The following MFSD11 variants were observed in gnomAD, a reference collection of about 807,000 sequenced individuals.
MFSD11 encodes major facilitator superfamily domain containing 11.
Under a neutral mutation model 53.5 loss-of-function variants are expected in MFSD11, and 36 were observed. The ratio of observed to expected loss-of-function variants is 0.67; its 90% CI spans 0.52 to 0.89. The LOEUF (loss-of-function observed/expected upper bound fraction) is 0.89. Among genes scored for constraint, MFSD11 ranks in the 40% least tolerant of loss-of-function variants. The pLI, the probability that MFSD11 is intolerant of heterozygous loss-of-function variation, is 0.00. For synonymous variants in MFSD11, 186 were observed against 184.9 expected (o/e 1.01, Z -0.05); for missense variants, 530 against 543.9 (o/e 0.97, Z 0.25).
At chr17:76,743,571 A>G in intron 6 of MFSD11, 115 bp downstream of exon 6, 2 of 563,138 alleles carry the variant, frequency 3.6e-6, no homozygotes, top group East Asian at 3.1e-5. Flanking sequence ...CGACACCTCA[A>G]GTTCTCGCAG....
chr17:76,793,258 A>G, the MFSD11 span, among the ~76,000 whole-genome samples: 3 of 151,416 alleles, frequency 2.0e-5, no homozygotes, highest in Middle Eastern at 6.8e-3. Context: ...TCATCCCTAC[A>G]GTTTCGACCA....
chr17:76,794,213 G>A, the MFSD11 span, among the ~76,000 whole-genome samples: 1 of 151,452 alleles, frequency 6.6e-6, no homozygotes, highest in Non-Finnish European at 1.5e-5. Context: ...GCTGGGTGTG[G>A]TGGCTCACAC....
In MFSD11 at chr17:76,774,825, A is replaced by G. The variant is rs924292643; in HGVS notation, c.875-172A>G. Among the ~76,000 whole-genome samples the G allele has an allele frequency of 1.1e-4, 17 of 152,164 alleles. No homozygotes were observed. The highest frequency in any genetic ancestry group is 2.9e-5 in the Non-Finnish European group (2 of 68,028). ...TTTGATACCTTACTTTTTTGTTCTA[A>G]TAGTTGATGCTTGGTCATCATTATC... On this transcript the variant is annotated intron_variant, in intron 10 of 12. Transcript: ENST00000685175.
the MFSD11 span, among the ~76,000 whole-genome samples, chr17:76,791,468 T>C: frequency 6.7e-6 from 1 of 149,206 alleles, no homozygotes; most frequent in African/African-American, 2.5e-5. Flanking sequence ...TTGGGATAAT[T>C]GTCACTGAAC....
chr17:76,753,963 C>T lies in MFSD11; in HGVS notation c.642-84C>T, dbSNP rs115031379. The T allele has an allele frequency of 3.3e-3, 3,897 of 1,192,278 alleles. 53 individuals are homozygous for T. The highest frequency in any genetic ancestry group is 0.027 in the African/African-American group (1,772 of 65,684). The allele number at this position is 1,192,278 out of a possible 1,614,324, so 73.9% of individuals were successfully genotyped here. A position where few individuals can be genotyped will look rare whatever the true frequency, so the allele number is the denominator to read the frequency against. On this transcript the variant is annotated intron_variant, in intron 7 of 12. Coordinates refer to ENST00000685175, the MANE Select transcript of MFSD11 (RefSeq NM_001242532.5). ...GACCTGGTATAGGACAGGGTTTTTA[C>T]GAACGTAAATGAAAATGTGATCGTA...
intron 8 of MFSD11, among the ~76,000 whole-genome samples, chr17:76,762,863 C>T (rs2080422956): frequency 6.6e-6 from 1 of 151,854 alleles, no homozygotes; most frequent in Admixed American, 6.6e-5. Context: ...AGATAAACTC[C>T]CCACATTCCT....
At position 76,743,390 on chromosome 17, in the gene MFSD11, TC is replaced by T. The variant is rs1568047437; in HGVS notation, c.438-3del. ...CCCAACATCCTATCCTCCCTTTTCT[TC>T]CCCCAGCTTGTTCTTTGGAAATCTC... On this transcript the variant is annotated splice_region_variant and splice_polypyrimidine_tract_variant and intron_variant, in intron 5 of 12. Coordinates refer to ENST00000685175, the MANE Select transcript of MFSD11 (RefSeq NM_001242532.5). 3.2e-6 allele frequency: 5 copies of T among 1,563,940 alleles called. No homozygotes were observed. The highest frequency in any genetic ancestry group is 2.3e-5 in the East Asian group (1 of 43,430).
intron 8 of MFSD11, among the ~76,000 whole-genome samples, chr17:76,756,041 C>T (rs1337788656): frequency 2.0e-5 from 3 of 149,860 alleles, no homozygotes; most frequent in Admixed American, 6.7e-5. Flanking sequence ...TTAGGCTGGT[C>T]TCAAACTCCC....
upstream of MFSD11, chr17:76,736,781 C>T (rs1017230226): frequency 1.5e-5 from 22 of 1,432,088 alleles, no homozygotes; most frequent in Non-Finnish European, 1.9e-5. Flanking sequence ...CTCCCGCGGT[C>T]CCCTCAGCCC....
chr17:76,767,693 G>A (rs1463692045), intron 9 of MFSD11, among the ~76,000 whole-genome samples: 2 of 151,576 alleles, frequency 1.3e-5, no homozygotes, highest in Admixed American at 6.6e-5. Flanking sequence ...CCATCTCCAC[G>A]ACCCCCTCCA....
At chr17:76,793,564 G>T in the MFSD11 span, among the ~76,000 whole-genome samples, 1 of 151,254 alleles carries the variant, frequency 6.6e-6, no homozygotes, top group Non-Finnish European at 1.5e-5. Flanking sequence ...TCATCACGGG[G>T]TCCTGAGGCG....
rs1039120598 is a variant in MFSD11 at position 76,742,220 on chromosome 17, T to A, written c.384T>A (p.Asp128Glu). ...GAAACTGCCTGACAATCAATTCGGA[T>A]GAGCACAGCATTGGGAGAAACAGTG... ...AQGNCLTINS[D>E]EHSIGRNSGI... is the part of the protein sequence containing the mutation. The change falls in exon 5 of 13, where the codon GAT (aspartate) becomes GAA (glutamate). Residue 128 changes from aspartate (D) to glutamate (E), a missense_variant. Physicochemically the swap from Asp to Glu is conservative, Grantham distance 45. Coordinates refer to ENST00000685175, the MANE Select transcript of MFSD11 (RefSeq NM_001242532.5). 3 of 1,614,230 alleles carry A rather than the reference T, an allele frequency of 1.9e-6. No individual in the cohort carries two copies. The highest frequency in any genetic ancestry group is 2.7e-5 in the African/African-American group (2 of 75,060).
chr17:76,803,365 G>A, the MFSD11 span, among the ~76,000 whole-genome samples: 2 of 152,174 alleles, frequency 1.3e-5, no homozygotes, highest in South Asian at 2.1e-4. Flanking sequence ...AAACAATGAC[G>A]ATAACAGCCC....
intron 8 of MFSD11, among the ~76,000 whole-genome samples, chr17:76,757,255 C>T (rs2079744244): frequency 6.6e-6 from 1 of 152,204 alleles, no homozygotes; most frequent in Non-Finnish European, 1.5e-5. Context: ...ACATGCTTTG[C>T]ATTACGGAGC....
chr17:76,801,734 C>T, the MFSD11 span, among the ~76,000 whole-genome samples: 2 of 152,058 alleles, frequency 1.3e-5, no homozygotes, highest in African/African-American at 4.8e-5. Context: ...TCTGAACCAC[C>T]GTGCCTGGCC....
At chr17:76,790,296 A>AC in the MFSD11 span, among the ~76,000 whole-genome samples, 4 of 142,466 alleles carry the variant, frequency 2.8e-5, no homozygotes, top group African/African-American at 5.2e-5. Context: ...CAAATTCCTG[A>AC]CCTCAGGCAT....
chr17:76,774,906 TG>T, intron 10 of MFSD11, 90 bp from the exon 11 acceptor site: 1 of 1,295,108 alleles, frequency 7.7e-7, no homozygotes. Flanking sequence ...CAAGTGAGAA[TG>T]TTTATTCCTT....
chr17:76,757,974 T>C (rs930935106), intron 8 of MFSD11, among the ~76,000 whole-genome samples: 9 of 151,874 alleles, frequency 5.9e-5, no homozygotes, highest in African/African-American at 1.5e-4. Context: ...TGCACCACTG[T>C]ACTCCAGCCT....
chr17:76,788,870 G>A, the MFSD11 span, among the ~76,000 whole-genome samples: 1 of 147,762 alleles, frequency 6.8e-6, no homozygotes, highest in Non-Finnish European at 1.5e-5. Flanking sequence ...GATCGGACGT[G>A]GTGGCTCATG....
Sources: gnomAD v4.1 joint callset for allele counts (sites outside exome capture counted in the v4.1 genomes callset) on GRCh38, gnomAD v4.1.1 for gene constraint, MANE v1.5 for transcripts, NCBI Gene and HGNC (gene_info 2026-07-23, HGNC 2026-07-21) for gene names.